Variants in RBM23 observed in about 807,000 individuals in gnomAD.
RBM23 encodes RNA binding motif protein 23, also known as probable RNA-binding protein 23.
In RBM23, 53 loss-of-function variants were observed where a neutral mutation model predicts 56.2. That is an observed-to-expected ratio of 0.94 (90% CI 0.76 to 1.19). RBM23 has a LOEUF of 1.19. RBM23 is among the 50% of genes most tolerant of loss of function. The pLI is 0.00. For synonymous variants in RBM23, 197 were observed against 198.5 expected, an observed-to-expected ratio of 0.99 and a Z score of 0.06; for missense variants, 642 against 590.3, an observed-to-expected ratio of 1.09 and a Z score of -0.91.
chr14:22,916,617 A>G (rs1346272946), intron 1 of RBM23, among the ~76,000 whole-genome samples: 1 of 151,624 alleles, frequency 6.6e-6, no homozygotes, highest in Non-Finnish European at 1.5e-5. Context: ...CATTATATCT[A>G]TTATATCAGA....
At chr14:22,912,119 G>A (rs763647296) in intron 1 of RBM23, among the ~76,000 whole-genome samples, 20 of 151,980 alleles carry the variant, frequency 1.3e-4, no homozygotes, top group Non-Finnish European at 2.2e-4. Flanking sequence ...TAAATACCTG[G>A]TTTAAACTCA....
chr14:22,901,957 T>C, intron 12 of RBM23, 23 bp downstream of exon 12: 1 of 1,611,250 alleles, frequency 6.2e-7, no homozygotes, highest in Non-Finnish European at 8.5e-7. Context: ...AACCTTCCCT[T>C]CCTTTCCCAT....
chr14:22,901,449 A>G lies in RBM23; in HGVS notation c.*281T>C. 1.8e-6 allele frequency: 1 copy of G among 567,922 alleles called. No homozygotes were observed. Among genetic ancestry groups the G allele is most frequent in the Admixed American group, 3.1e-5 (1 of 31,962 alleles). The allele number at this position is 567,922 out of a possible 1,614,324, so 35.2% of individuals were successfully genotyped here. On this transcript the variant is annotated 3_prime_UTR_variant, in exon 14 of 14. Coordinates refer to ENST00000359890, the MANE Select transcript of RBM23 (RefSeq NM_001077351.2). ...CACTAAGGTGTTGGAAAGGGCAAGAAGGTAATCTCAGAGACGATACACATG... is the reference window on the plus strand; with the variant it reads ...CACTAAGGTGTTGGAAAGGGCAAGAGGGTAATCTCAGAGACGATACACATG...
intron 1 of RBM23, among the ~76,000 whole-genome samples, chr14:22,918,502 G>C (rs532517685): frequency 2.1e-4 from 32 of 152,306 alleles, no homozygotes; most frequent in African/African-American, 7.0e-4. Flanking sequence ...ACGCCTACTG[G>C]AATGAGTGCT....
At position 22,903,287 on chromosome 14, in the gene RBM23, C is replaced by A; in HGVS notation, c.931-905G>T. The A allele has an allele frequency of 6.1e-6, 6 of 985,428 alleles. No individual in the cohort carries two copies. In the South Asian group the frequency reaches 2.8e-4, roughly 46 times the overall value. 61.0% of individuals were successfully genotyped at this position (985,428 alleles called of 1,614,324 possible). A position where few individuals can be genotyped will look rare whatever the true frequency, so the allele number is the denominator to read the frequency against. ...AACACACTGGTACAAAGAGGATTCCCAGTCTGCTGTTTGTTTAAGTGTCAA... is the reference window on the plus strand; with the variant it reads ...AACACACTGGTACAAAGAGGATTCCAAGTCTGCTGTTTGTTTAAGTGTCAA... On this transcript the variant is annotated intron_variant, in intron 10 of 13. Coordinates refer to ENST00000359890, the MANE Select transcript of RBM23 (RefSeq NM_001077351.2).
chr14:22,911,332 T>C lies in RBM23; in HGVS notation c.62A>G (p.Glu21Gly), dbSNP rs1382497900. The C allele has an allele frequency of 6.2e-7, 1 of 1,613,600 alleles. No individual in the cohort carries two copies. Among genetic ancestry groups the C allele is most frequent in the Non-Finnish European group, 8.5e-7 (1 of 1,179,646 alleles). The change falls in exon 2 of 14, where the codon GAA becomes GGA. Residue 21 changes from glutamate to glycine, a missense_variant. Transcript: ENST00000359890. ...GAGTGAGGTGGAAAATATTACCTCTTCTTTTTTATAGGGAGCTTCCAGCAT... is the reference window on the plus strand; with the variant it reads ...GAGTGAGGTGGAAAATATTACCTCTCCTTTTTTATAGGGAGCTTCCAGCAT... The part of the protein sequence containing the change: ...EAMLEAPYKK[E>G]EDEQQRKEVK...
At chr14:22,912,758 G>A (rs2042749803) in intron 1 of RBM23, among the ~76,000 whole-genome samples, 1 of 151,808 alleles carries the variant, frequency 6.6e-6, no homozygotes, top group Non-Finnish European at 1.5e-5. Context: ...GGGAGGCCGA[G>A]GCGGGCAGAT....
At chr14:22,905,883 A>G in intron 5 of RBM23, 1 of 598,372 alleles carries the variant, frequency 1.7e-6, no homozygotes. Flanking sequence ...TTGTGTGGCT[A>G]GGATTACAGA....
intron 10 of RBM23, chr14:22,904,019 G>A: frequency 6.9e-7 from 1 of 1,443,270 alleles, no homozygotes; most frequent in Non-Finnish European, 9.1e-7. Flanking sequence ...TGCAGCACCA[G>A]GGAAGCTGGG....
At position 22,911,353 on chromosome 14, in the gene RBM23, A is replaced by G. The variant is rs2042489811; in HGVS notation, c.41T>C (p.Leu14Pro). Reference sequence around the variant, plus strand: ...CTCTTCTTTTTTATAGGGAGCTTCCAGCATGGCCTCAATCACTATGTCAAA... The same window carrying G: ...CTCTTCTTTTTTATAGGGAGCTTCCGGCATGGCCTCAATCACTATGTCAAA... Reference protein sequence around the residue: ...DDFDIVIEAMLEAPYKKEEDE... With the variant: ...DDFDIVIEAMPEAPYKKEEDE... The change falls in exon 2 of 14, where the codon CTG becomes CCG. Residue 14 changes from leucine to proline, a missense_variant. Physicochemically the swap from Leu to Pro is moderately conservative, Grantham distance 98 (BLOSUM62 -3). Coordinates refer to ENST00000359890, the MANE Select transcript of RBM23 (RefSeq NM_001077351.2). The G allele has an allele frequency of 1.9e-6, 3 of 1,613,750 alleles. No homozygotes were observed. The highest frequency in any genetic ancestry group is 2.2e-5 in the East Asian group (1 of 44,866).
chr14:22,905,775 G>T, intron 5 of RBM23, 116 bp from the exon 6 acceptor site: 2 of 816,470 alleles, frequency 2.4e-6, no homozygotes, highest in Non-Finnish European at 3.9e-6. Context: ...TTTAAGACAG[G>T]GTTTCCGCTG....
At chr14:22,912,516 C>T (rs1199185385) in intron 1 of RBM23, among the ~76,000 whole-genome samples, 1 of 151,974 alleles carries the variant, frequency 6.6e-6, no homozygotes, top group African/African-American at 2.4e-5. Flanking sequence ...ACCAGTTTGT[C>T]AAATAAGAAA....
Position 22,902,183 on chromosome 14 carries a change from T to TTA in RBM23, c.1126+2_1126+3dup. On this transcript the variant is annotated splice_donor_region_variant and intron_variant, in intron 11 of 13. Coordinates refer to ENST00000359890, the MANE Select transcript of RBM23 (RefSeq NM_001077351.2). ...ATAATCTTCACCTTGCGGAGATATT[T>TTA]TACCTTCTGCCAGTTTTGCCATGAG... 1 of 1,613,396 alleles carries TTA rather than the reference T, an allele frequency of 6.2e-7. No individual in the cohort carries two copies.
rs2042175889 is a variant in RBM23, at chr14:22,909,951, G to A, written c.67-356C>T. ...GCGGATCAATTGAGGCCAGGAGTTT[G>A]AGACCAGCCTCGCCGACATGTCGAA... On this transcript the variant is annotated intron_variant, in intron 2 of 13. Transcript: ENST00000359890. Among the ~76,000 whole-genome samples the A allele has an allele frequency of 1.3e-5, 2 of 150,582 alleles. 1 individual carries two copies. The highest frequency in any genetic ancestry group is 4.2e-4 in the South Asian group (2 of 4,728).
chr14:22,908,397 A>G lies in RBM23; in HGVS notation c.180-17T>C, dbSNP rs1283677431. 7.3e-6 allele frequency: 11 copies of G among 1,517,204 alleles called. No homozygotes were observed. Among genetic ancestry groups the G allele is most frequent in the African/African-American group, 1.4e-5 (1 of 69,790 alleles). 94.0% of individuals were successfully genotyped at this position (1,517,204 alleles called of 1,614,324 possible). A position where few individuals can be genotyped will look rare whatever the true frequency, so the allele number is the denominator to read the frequency against. On this transcript the variant is annotated splice_polypyrimidine_tract_variant and intron_variant, in intron 3 of 13. Coordinates refer to ENST00000359890, the MANE Select transcript of RBM23 (RefSeq NM_001077351.2). Reference sequence around the variant, plus strand: ...CTCTTCTTCCTGTGAAAGAGAGTACATTCTTCTTTTTTTTTTTTTAATTTT... The same window carrying G: ...CTCTTCTTCCTGTGAAAGAGAGTACGTTCTTCTTTTTTTTTTTTTAATTTT...
chr14:22,904,416 GAC>G (rs1199803498), intron 9 of RBM23, 90 bp from the exon 10 acceptor site: 1 of 1,091,702 alleles, frequency 9.2e-7, no homozygotes, highest in Non-Finnish European at 1.3e-6. Flanking sequence ...TTTTTTTTGA[GAC>G]AGAGTCTCAA....
rs2138833965 is a variant in RBM23 at position 22,894,244 on chromosome 14, A to C, written c.*7486T>G. On this transcript the variant is annotated 3_prime_UTR_variant, in exon 14 of 14. Transcript: ENST00000359890. ...GATAAAAATTTAAGTTATGGTCTAC[A>C]AAGTCCAACGTGCCTTCCATAGGAC... 1 of 152,362 alleles carries C rather than the reference A, an allele frequency of 6.6e-6. No homozygotes were observed. Among genetic ancestry groups the C allele is most frequent in the East Asian group, 1.9e-4 (1 of 5,192 alleles). The allele number at this position is 152,362 out of a possible 1,614,324, so 9.4% of individuals were successfully genotyped here. A position where few individuals can be genotyped will look rare whatever the true frequency, so the allele number is the denominator to read the frequency against.
chr14:22,914,449 G>A (rs142600810), intron 1 of RBM23, among the ~76,000 whole-genome samples: 11 of 151,290 alleles, frequency 7.3e-5, no homozygotes, highest in African/African-American at 2.7e-4. Flanking sequence ...CCAAGATCAC[G>A]CCATTGCACT....
intron 9 of RBM23, among the ~76,000 whole-genome samples, 193 bp downstream of exon 9, chr14:22,904,682 T>C (rs975673938): frequency 4.6e-5 from 7 of 152,162 alleles, no homozygotes; most frequent in African/African-American, 1.4e-4. Context: ...ATTATTTGAT[T>C]TGTGTCTAAC....
Sources: gnomAD v4.1 joint callset for allele counts (sites outside exome capture counted in the v4.1 genomes callset) on GRCh38, gnomAD v4.1.1 for gene constraint, MANE v1.5 for transcripts, NCBI Gene and HGNC (gene_info 2026-07-23, HGNC 2026-07-21) for gene names.